CRTAP: variants seen among roughly 807,000 people sequenced by gnomAD.
CRTAP encodes the protein cartilage-associated protein.
CRTAP carries 33 observed loss-of-function variants against 42.7 expected under a neutral mutation model. That is an observed-to-expected ratio of 0.77 (90% CI 0.59 to 1.03). The LOEUF is 1.03. Ranked by LOEUF, CRTAP falls within the 50% of genes least tolerant of loss-of-function variation. The pLI is 0.00. For missense variants in CRTAP, 613 were observed against 533.9 expected (o/e 1.15, Z -1.46); for synonymous variants, 243 against 217.7 (o/e 1.12, Z -1.02).
chr3:33,114,033 T>C lies in CRTAP; in HGVS notation c.-45T>C. 2.9e-6 allele frequency: 4 copies of C among 1,382,244 alleles called. No individual in the cohort carries two copies. The highest frequency in any genetic ancestry group is 1.5e-5 in the African/African-American group (1 of 65,622). The allele number at this position is 1,382,244 out of a possible 1,614,324, so 85.6% of individuals were successfully genotyped here. On this transcript the variant is annotated 5_prime_UTR_variant, in exon 1 of 7. Transcript: ENST00000320954. The stretch of plus-strand genomic sequence containing the variant: ...CTCTTTCCTTTCCTTCTCCCTCCCC[T>C]TTTCCCTTCCTTCGTCCCTTCCTTC...
chr3:33,134,261 A>G lies in CRTAP; in HGVS notation c.1148A>G (p.Asp383Gly), dbSNP rs751058584. Residue 383 changes from aspartate (D) to glycine (G), a missense_variant, in exon 6 of 7, where the codon GAT becomes GGT. Asp to Gly is a moderately conservative substitution (Grantham distance 94). Coordinates refer to ENST00000320954, the MANE Select transcript of CRTAP (RefSeq NM_006371.5). ...GCTAAGGAAAATATAATGGATGATGATGAGGTAAGTTTTCATGCTTAGCAC... is the reference window on the plus strand; with the variant it reads ...GCTAAGGAAAATATAATGGATGATGGTGAGGTAAGTTTTCATGCTTAGCAC... ...DFAKENIMDDDEGEVVEYVDD... is the reference protein window; with the variant it reads ...DFAKENIMDDGEGEVVEYVDD... The G allele has an allele frequency of 2.5e-6, 4 of 1,597,098 alleles. No individual in the cohort carries two copies. In the South Asian group the frequency reaches 4.4e-5, roughly 18 times the overall value.
In CRTAP at chr3:33,114,563, C is replaced by A; in HGVS notation, c.471+15C>A. On this transcript the variant is annotated intron_variant, in intron 1 of 6. Transcript: ENST00000320954. ...CTTACTTCAAGGCAAGTCCGCCTCG[C>A]CCCGTCCCAGGCCCCGGCCCCGCCC... is the stretch of plus-strand genomic sequence containing the variant. The A allele has an allele frequency of 1.9e-6, 3 of 1,563,900 alleles. No individual in the cohort carries two copies. The highest frequency in any genetic ancestry group is 2.6e-6 in the Non-Finnish European group (3 of 1,155,086).
intron 1 of CRTAP, among the ~76,000 whole-genome samples, chr3:33,119,783 T>G (rs778472991): frequency 2.6e-5 from 4 of 152,204 alleles, no homozygotes; most frequent in Non-Finnish European, 5.9e-5. Flanking sequence ...AGAGATAGTG[T>G]TCTGCCACAG....
chr3:33,126,482 C>T (rs956803088), intron 3 of CRTAP, among the ~76,000 whole-genome samples: 4 of 152,040 alleles, frequency 2.6e-5, no homozygotes, highest in East Asian at 3.9e-4. Context: ...TGAACAGGCT[C>T]GGTTTGATTT....
At chr3:33,128,606 A>G (rs779449120) in intron 3 of CRTAP, among the ~76,000 whole-genome samples, 9 of 152,190 alleles carry the variant, frequency 5.9e-5, no homozygotes, top group Non-Finnish European at 1.3e-4. Context: ...GTAAGTATGT[A>G]AGGCTTTTTT....
chr3:33,116,516 A>G (rs937653597), intron 1 of CRTAP, among the ~76,000 whole-genome samples: 2 of 152,038 alleles, frequency 1.3e-5, no homozygotes, highest in African/African-American at 4.8e-5. Flanking sequence ...GTGCCACCAC[A>G]CCCAGCTAAT....
intron 3 of CRTAP, among the ~76,000 whole-genome samples, chr3:33,125,483 C>A (rs1239225677): frequency 5.8e-5 from 5 of 85,688 alleles, no homozygotes; most frequent in South Asian, 4.6e-4. Context: ...TCTCTTTCTA[C>A]AAAGTAGGTT....
At chr3:33,118,984 C>G (rs1305842186) in intron 1 of CRTAP, among the ~76,000 whole-genome samples, 3 of 152,220 alleles carry the variant, frequency 2.0e-5, no homozygotes. Flanking sequence ...CTTTCTCCCT[C>G]TTCTTCTCCC....
intron 5 of CRTAP, among the ~76,000 whole-genome samples, chr3:33,133,770 A>G (rs2030341819): frequency 1.3e-5 from 2 of 152,280 alleles, no homozygotes; most frequent in South Asian, 2.1e-4. Context: ...TCTTTTGCGG[A>G]TGGACCATCA....
chr3:33,139,522 G>C (rs2030515584), intron 6 of CRTAP, among the ~76,000 whole-genome samples: 1 of 150,424 alleles, frequency 6.6e-6, no homozygotes, highest in Non-Finnish European at 1.5e-5. Context: ...TGTTGCCTAG[G>C]CTGGAGTGCA....
rs531720746 is a variant in CRTAP at position 33,142,818 on chromosome 3, C to A, written c.*370C>A. On this transcript the variant is annotated 3_prime_UTR_variant, in exon 7 of 7. Coordinates refer to ENST00000320954, the MANE Select transcript of CRTAP (RefSeq NM_006371.5). ...TACAGGCATGTGCCACCACGCCCGG[C>A]TAATTTTGTATTTTTAGTAGAGACG... The A allele has an allele frequency of 8.5e-6, 2 of 235,098 alleles. No homozygotes were observed. The highest frequency in any genetic ancestry group is 2.2e-5 in the African/African-American group (1 of 44,946). The allele number at this position is 235,098 out of a possible 1,614,324, so 14.6% of individuals were successfully genotyped here. A position where few individuals can be genotyped will look rare whatever the true frequency, so the allele number is the denominator to read the frequency against.
chr3:33,128,359 A>G (rs994855900), intron 3 of CRTAP, among the ~76,000 whole-genome samples: 3 of 152,198 alleles, frequency 2.0e-5, no homozygotes, highest in African/African-American at 7.2e-5. Context: ...AATCTGGAAC[A>G]ATCCTTTGGC....
rs2030710707 is a variant in CRTAP at position 33,146,039 on chromosome 3, A to C, written c.*3591A>C. On this transcript the variant is annotated 3_prime_UTR_variant, in exon 7 of 7. Coordinates refer to ENST00000320954, the MANE Select transcript of CRTAP (RefSeq NM_006371.5). Reference sequence around the variant, plus strand: ...AGGAAACCAAACCTTAAAAAAAAAAAACAAAAACTGGGCTGGGTCTTCCAA... The same window carrying C: ...AGGAAACCAAACCTTAAAAAAAAAACACAAAAACTGGGCTGGGTCTTCCAA... The C allele has an allele frequency of 1.3e-5, 2 of 149,788 alleles. No individual in the cohort carries two copies. Among genetic ancestry groups the C allele is most frequent in the Non-Finnish European group, 2.9e-5 (2 of 67,994 alleles). The allele number at this position is 149,788 out of a possible 1,614,324, so 9.3% of individuals were successfully genotyped here. A position where few individuals can be genotyped will look rare whatever the true frequency, so the allele number is the denominator to read the frequency against.
At chr3:33,132,459 A>G in intron 4 of CRTAP, 96 bp from the exon 5 acceptor site, 1 of 1,547,652 alleles carries the variant, frequency 6.5e-7, no homozygotes, top group Non-Finnish European at 8.9e-7. Context: ...GACTGTGGAG[A>G]AGGGGCTTGT....
In CRTAP at chr3:33,114,150, C is replaced by A. The variant is rs1701309282; in HGVS notation, c.73C>A (p.Arg25Ser). ...LCVACALRAG[R>S]AQYERYSFRS... ...CGTGGCCTGCGCGCTGCGCGCCGGG[C>A]GCGCCCAATACGAACGCTACAGCTT... Residue 25 changes from arginine to serine, a missense_variant, in exon 1 of 7, where the codon CGC becomes AGC. By Grantham distance (110) the Arg-to-Ser change is moderately radical. Coordinates refer to ENST00000320954, the MANE Select transcript of CRTAP (RefSeq NM_006371.5). The A allele has an allele frequency of 3.8e-6, 6 of 1,580,372 alleles. No individual in the cohort carries two copies. The highest frequency in any genetic ancestry group is 1.8e-4 in the Middle Eastern group (1 of 5,706).
At chr3:33,135,989 A>G (rs1173987587) in intron 6 of CRTAP, among the ~76,000 whole-genome samples, 1 of 152,162 alleles carries the variant, frequency 6.6e-6, no homozygotes, top group African/African-American at 2.4e-5. Context: ...GAACATTTTT[A>G]TTGCCCCCAA....
At chr3:33,130,109 C>T (rs2030208451) in intron 4 of CRTAP, 42 bp downstream of exon 4, 2 of 1,588,886 alleles carry the variant, frequency 1.3e-6, no homozygotes, top group Non-Finnish European at 1.7e-6. Context: ...GCACTTAGTC[C>T]TTCTAAGACT....
rs545771795 is a variant in CRTAP, at chr3:33,143,313, C to G, written c.*865C>G. 5 of 152,214 alleles carry G rather than the reference C, an allele frequency of 3.3e-5. No homozygotes were observed. The highest frequency in any genetic ancestry group is 4.8e-5 in the African/African-American group (2 of 41,460). 9.4% of individuals were successfully genotyped at this position (152,214 alleles called of 1,614,324 possible). ...GGTCTGACTTGTACCAATTCTAGCA[C>G]CCACTGAAAAACAAGTTGAGTAGAG... On this transcript the variant is annotated 3_prime_UTR_variant, in exon 7 of 7. Transcript: ENST00000320954.
rs979623061 is a variant in CRTAP at position 33,114,559 on chromosome 3, C to T, written c.471+11C>T. The T allele has an allele frequency of 6.4e-7, 1 of 1,566,336 alleles. No individual in the cohort carries two copies. The highest frequency in any genetic ancestry group is 1.3e-5 in the African/African-American group (1 of 74,102). ...TTCGCTTACTTCAAGGCAAGTCCGC[C>T]TCGCCCCGTCCCAGGCCCCGGCCCC... On this transcript the variant is annotated intron_variant, in intron 1 of 6. Transcript: ENST00000320954.
Sources: gnomAD v4.1 joint callset for allele counts (sites outside exome capture counted in the v4.1 genomes callset) on GRCh38, gnomAD v4.1.1 for gene constraint, MANE v1.5 for transcripts, NCBI Gene and HGNC (gene_info 2026-07-23, HGNC 2026-07-21) for gene names.